NKAIN3: variants seen among roughly 807,000 people sequenced by gnomAD.
The protein encoded by NKAIN3 is sodium/potassium transporting ATPase interacting 3, also known as sodium/potassium-transporting ATPase subunit beta-1-interacting protein 3.
A neutral mutation model predicts 30.2 loss-of-function variants in NKAIN3; 25 were observed. The observed-to-expected ratio is 0.83, with a 90% confidence interval of 0.60 to 1.16. The LOEUF is 1.16. NKAIN3 is among the 50% of genes most tolerant of loss of function. NKAIN3 has a pLI of 0.00. For missense variants in NKAIN3, 225 were observed against 254.1 expected (o/e 0.89, Z 0.78); for synonymous variants, 91 against 89.6 (o/e 1.02, Z -0.09).
At chr8:62,672,527 A>C (rs1427741061) in intron 3 of NKAIN3, among the ~76,000 whole-genome samples, 1 of 152,222 alleles carries the variant, frequency 6.6e-6, no homozygotes, top group Non-Finnish European at 1.5e-5. Flanking sequence ...TATACTTGGA[A>C]CCAAAAGAGG....
chr8:62,401,013 T>TTCTCTCTC lies in NKAIN3; in HGVS notation c.54+151892_54+151893insTCTCTCTC, dbSNP rs71559370. ...ATTCTTTTGATTAAACTTTCTACCT[T>TTCTCTCTC]TCTCTCACTCTCTCTCTCTCTCTCT... On this transcript the variant is annotated intron_variant, in intron 1 of 6. Coordinates refer to ENST00000623646, the MANE Select transcript of NKAIN3 (RefSeq NM_001304533.3). 5.3e-3 allele frequency among the ~76,000 whole-genome samples: 761 copies of TTCTCTCTC among 143,844 alleles called. 4 individuals are homozygous for TTCTCTCTC. Among genetic ancestry groups the TTCTCTCTC allele is most frequent in the Middle Eastern group, 0.018 (5 of 284 alleles). The allele number at this position is 143,844 out of a possible 152,430, so 94.4% of individuals were successfully genotyped here.
chr8:62,793,009 T>C (rs1563564034), intron 4 of NKAIN3, among the ~76,000 whole-genome samples: 1 of 152,144 alleles, frequency 6.6e-6, no homozygotes, highest in South Asian at 2.1e-4. Flanking sequence ...TAAGAGATAA[T>C]CCTTTATGTT....
intron 3 of NKAIN3, among the ~76,000 whole-genome samples, chr8:62,686,197 T>G (rs1274868690): frequency 6.6e-6 from 1 of 152,186 alleles, no homozygotes; most frequent in African/African-American, 2.4e-5. Flanking sequence ...AATGAGGTCT[T>G]CCTTTAGCAG....
chr8:62,567,944 G>C (rs908614174), intron 1 of NKAIN3, among the ~76,000 whole-genome samples: 1 of 152,128 alleles, frequency 6.6e-6, no homozygotes, highest in Non-Finnish European at 1.5e-5. Context: ...CTTATTGAAT[G>C]CCATCTATGT....
At chr8:62,551,690 TC>T (rs1809218242) in intron 1 of NKAIN3, among the ~76,000 whole-genome samples, 1 of 152,182 alleles carries the variant, frequency 6.6e-6, no homozygotes, top group Non-Finnish European at 1.5e-5. Flanking sequence ...CAGAGGTATA[TC>T]ATTATAAAAA....
chr8:62,592,124 C>T (rs1383282870), intron 3 of NKAIN3, among the ~76,000 whole-genome samples: 4 of 151,986 alleles, frequency 2.6e-5, no homozygotes, highest in African/African-American at 9.7e-5. Context: ...TCCACAACCT[C>T]TCTGTGGATT....
At chr8:62,936,544 T>A (rs561014433) in intron 5 of NKAIN3, among the ~76,000 whole-genome samples, 10 of 152,254 alleles carry the variant, frequency 6.6e-5, no homozygotes, top group Non-Finnish European at 1.2e-4. Flanking sequence ...CCAGCTTAGA[T>A]AAATTAACAC....
At chr8:62,467,688 A>G (rs148886033) in intron 1 of NKAIN3, among the ~76,000 whole-genome samples, 5 of 152,338 alleles carry the variant, frequency 3.3e-5, no homozygotes, top group Non-Finnish European at 5.9e-5. Context: ...TTTTTACATC[A>G]AAGAGAGTAA....
intron 1 of NKAIN3, among the ~76,000 whole-genome samples, chr8:62,457,625 T>G (rs774106561): frequency 6.6e-6 from 1 of 152,214 alleles, no homozygotes; most frequent in Non-Finnish European, 1.5e-5. Flanking sequence ...TTCCTTATTG[T>G]TCTAGCTGTG....
chr8:62,859,271 C>G (rs1586278268), intron 4 of NKAIN3, among the ~76,000 whole-genome samples: 1 of 152,060 alleles, frequency 6.6e-6, no homozygotes, highest in Non-Finnish European at 1.5e-5. Flanking sequence ...CCTGACCAAT[C>G]CCACTGTGGA....
At chr8:62,425,142 G>A (rs941800380) in intron 1 of NKAIN3, among the ~76,000 whole-genome samples, 1 of 151,672 alleles carries the variant, frequency 6.6e-6, no homozygotes, top group African/African-American at 2.4e-5. Context: ...GGAGAAATGG[G>A]GAGTTGCTAT....
chr8:62,279,988 T>C (rs10808722), intron 1 of NKAIN3, among the ~76,000 whole-genome samples: 100,208 of 152,080 alleles, frequency 0.66, 33,303 homozygotes, highest in African/African-American at 0.74. Flanking sequence ...TCACGATATT[T>C]GTTCTTCCTA....
chr8:62,916,087 G>A (rs1822092548), intron 4 of NKAIN3, among the ~76,000 whole-genome samples: 1 of 151,756 alleles, frequency 6.6e-6, no homozygotes, highest in Non-Finnish European at 1.5e-5. Flanking sequence ...TGCTGTGATA[G>A]GATAGATGAT....
chr8:62,991,582 A>C (rs995367382), intron 5 of NKAIN3, among the ~76,000 whole-genome samples: 1 of 152,212 alleles, frequency 6.6e-6, no homozygotes, highest in African/African-American at 2.4e-5. Context: ...CAATCACAAA[A>C]GACATTTTTG....
At chr8:62,492,513 A>G (rs977499434) in intron 1 of NKAIN3, among the ~76,000 whole-genome samples, 4 of 152,112 alleles carry the variant, frequency 2.6e-5, no homozygotes, top group Non-Finnish European at 4.4e-5. Context: ...CAGCACTGAC[A>G]TACTAAATGC....
intron 3 of NKAIN3, among the ~76,000 whole-genome samples, chr8:62,623,515 CTG>C (rs1475306721): frequency 1.3e-5 from 2 of 151,990 alleles, no homozygotes; most frequent in African/African-American, 4.8e-5. Flanking sequence ...TCTGAACACA[CTG>C]TTATCTATTA....
intron 1 of NKAIN3, among the ~76,000 whole-genome samples, chr8:62,294,761 T>C (rs974477783): frequency 3.9e-5 from 6 of 152,072 alleles, no homozygotes; most frequent in African/African-American, 1.4e-4. Flanking sequence ...CCCAGGCTGG[T>C]CTCCAACTGG....
chr8:62,565,367 T>C (rs1195606895), intron 1 of NKAIN3, among the ~76,000 whole-genome samples: 3 of 149,682 alleles, frequency 2.0e-5, no homozygotes, highest in African/African-American at 7.4e-5. Flanking sequence ...CGTGTGTGCG[T>C]GTGTGTGTGT....
chr8:62,655,802 C>G lies in NKAIN3; in HGVS notation c.273+66008C>G, dbSNP rs530917591. The stretch of plus-strand genomic sequence containing the variant: ...GATGATGTATATTTTGGTGTCCAAA[C>G]AACAGGTGTTTGCAAACATGGGTAG... On this transcript the variant is annotated intron_variant, in intron 3 of 6. Transcript: ENST00000623646. Among the ~76,000 whole-genome samples the G allele has an allele frequency of 3.9e-5, 6 of 152,106 alleles. No individual in the cohort carries two copies. In the East Asian group the frequency reaches 1.2e-3, roughly 29 times the overall value.
Sources: allele counts gnomAD v4.1 joint callset (sites outside exome capture counted in the v4.1 genomes callset), GRCh38; gene constraint gnomAD v4.1.1; transcripts MANE v1.5; gene names NCBI Gene and HGNC (gene_info 2026-07-23, HGNC 2026-07-21).